DPYSL5: variants seen among roughly 807,000 people sequenced by gnomAD.
DPYSL5 encodes dihydropyrimidinase like 5, also known as dihydropyrimidinase-related protein 5.
A neutral mutation model predicts 58.4 loss-of-function variants in DPYSL5; 9 were observed. That is an observed-to-expected ratio of 0.15 (90% CI 0.09 to 0.27). The LOEUF (loss-of-function observed/expected upper bound fraction) is 0.27, where lower values mean the gene tolerates loss of function less well. DPYSL5 is among the 10% of genes least tolerant of loss of function. The probability of loss-of-function intolerance (pLI) is 1.00; values close to 1 mark genes in which losing one functional copy is unlikely to be tolerated. For missense variants in DPYSL5, 499 were observed against 770.6 expected (o/e 0.65, Z 4.17); for synonymous variants, 293 against 301.9 (o/e 0.97, Z 0.31).
At chr2:26,930,254 G>T (rs1664937167) in intron 5 of DPYSL5, among the ~76,000 whole-genome samples, 1 of 152,198 alleles carries the variant, frequency 6.6e-6, no homozygotes, top group South Asian at 2.1e-4. Flanking sequence ...ACACACACTA[G>T]ACTTTCTTTG....
At chr2:26,867,638 G>A (rs1572676389) in intron 1 of DPYSL5, among the ~76,000 whole-genome samples, 1 of 151,290 alleles carries the variant, frequency 6.6e-6, no homozygotes, top group African/African-American at 2.4e-5. Context: ...TGTATTTTTA[G>A]TAGAGACGGG....
intron 1 of DPYSL5, among the ~76,000 whole-genome samples, chr2:26,893,631 C>T (rs896103744): frequency 3.9e-5 from 6 of 152,102 alleles, no homozygotes; most frequent in East Asian, 1.9e-4. Context: ...GCTATTTATT[C>T]GTTTATTCAC....
upstream of DPYSL5, chr2:26,847,995 G>A (rs2148096124): frequency 6.6e-6 from 1 of 152,120 alleles, no homozygotes; most frequent in East Asian, 1.9e-4. Context: ...GCCTGTCCCC[G>A]CCTCCCCTTA....
chr2:26,937,742 T>TTTTGTTTGTTTGTTTG (rs59337750), intron 8 of DPYSL5, among the ~76,000 whole-genome samples: 29 of 149,098 alleles, frequency 1.9e-4, no homozygotes, highest in African/African-American at 5.7e-4. Flanking sequence ...CTGGCTAGTT[T>TTTTGTTTGTTTGTTTG]TTTGTTTGTT....
At chr2:26,866,732 C>CT (rs1298358466) in intron 1 of DPYSL5, among the ~76,000 whole-genome samples, 7,575 of 132,884 alleles carry the variant, frequency 0.057, 707 homozygotes, top group African/African-American at 0.2. Flanking sequence ...AATTCTTCTT[C>CT]TTTTTTTTTT....
chr2:26,855,098 G>A (rs972709918), intron 1 of DPYSL5, among the ~76,000 whole-genome samples: 3 of 151,812 alleles, frequency 2.0e-5, no homozygotes, highest in Non-Finnish European at 2.9e-5. Context: ...GATCACAGGC[G>A]TGAGCCACTG....
Position 26,927,299 on chromosome 2 carries a change from C to T in DPYSL5, c.467C>T (p.Ser156Leu). 1.2e-6 allele frequency: 2 copies of T among 1,614,124 alleles called. No individual in the cohort carries two copies. The highest frequency in any genetic ancestry group is 1.7e-6 in the Non-Finnish European group (2 of 1,180,018). Residue 156 changes from serine (S) to leucine (L), a missense_variant, in exon 4 of 13, where the codon TCG becomes TTG. Ser to Leu is a moderately radical substitution (Grantham distance 145, BLOSUM62 -2). This residue lies in a region of DPYSL5 where 404 missense variants were observed against 647.6 expected (regional missense o/e 0.62). Transcript: ENST00000288699. The surrounding 1 kb of genome is among the most constrained non-coding windows in gnomAD (Gnocchi z 4.3). ...ETLVREKGVN[S>L]FQMFMTYKDL... ...CTGGTGAGGGAGAAGGGTGTCAACTCGTTCCAGATGTTCATGACCTACAAG... is the reference window on the plus strand; with the variant it reads ...CTGGTGAGGGAGAAGGGTGTCAACTTGTTCCAGATGTTCATGACCTACAAG...
In DPYSL5 at chr2:26,928,761, G is replaced by A. The variant is rs1300810321; in HGVS notation, c.669+438G>A. ...CACACGCACACACATACGTGTGTGC[G>A]TGTGTGTGTGTGTGTATAGCATCAT... On this transcript the variant is annotated intron_variant, in intron 5 of 12. Transcript: ENST00000288699. Among the ~76,000 whole-genome samples the A allele has an allele frequency of 7.0e-5, 2 of 28,488 alleles. 1 individual carries two copies. Among genetic ancestry groups the A allele is most frequent in the African/African-American group, 2.1e-4 (2 of 9,322 alleles). The allele number at this position is 28,488 out of a possible 152,430, so 18.7% of individuals were successfully genotyped here.
intron 1 of DPYSL5, among the ~76,000 whole-genome samples, chr2:26,889,559 C>A (rs554245192): frequency 1.9e-4 from 29 of 152,172 alleles, no homozygotes; most frequent in African/African-American, 6.7e-4. Context: ...CGTGAGCCAC[C>A]GCGCCCGGCC....
Position 26,926,232 on chromosome 2 carries a change from C to G in DPYSL5, c.421-1021C>G, listed in dbSNP as rs533430671. On this transcript the variant is annotated intron_variant, in intron 3 of 12. Transcript: ENST00000288699. ...TTCTGACCTGGCACTTATAGAAGAC[C>G]TCCTCCCGGTTCTGGGCCAGAGGTG... Among the ~76,000 whole-genome samples, 7 of 152,298 alleles carry G rather than the reference C, an allele frequency of 4.6e-5. No homozygotes were observed. In the East Asian group the frequency reaches 1.3e-3, roughly 29 times the overall value.
Position 26,898,745 on chromosome 2 carries a change from C to T in DPYSL5, c.246C>T (p.Phe82=). ...TFMNATCVDD[F]YHGTKAALVG... is the part of the protein sequence containing the mutation. ...TGAATGCCACGTGCGTGGACGACTTCTACCATGGGACCAAGGTAATGCTCC... is the reference window on the plus strand; with the variant it reads ...TGAATGCCACGTGCGTGGACGACTTTTACCATGGGACCAAGGTAATGCTCC... Residue 82 remains phenylalanine, a synonymous_variant, in exon 2 of 13, where the codon TTC becomes TTT. Transcript: ENST00000288699. The surrounding 1 kb of genome is among the most constrained non-coding windows in gnomAD (Gnocchi z 6.1). 4.3e-6 allele frequency: 7 copies of T among 1,610,716 alleles called. No individual in the cohort carries two copies. Among genetic ancestry groups the T allele is most frequent in the Non-Finnish European group, 5.9e-6 (7 of 1,177,428 alleles).
At chr2:26,904,719 A>G (rs527903679) in intron 2 of DPYSL5, among the ~76,000 whole-genome samples, 1 of 152,162 alleles carries the variant, frequency 6.6e-6, no homozygotes, top group Non-Finnish European at 1.5e-5. Flanking sequence ...CCTGGGCAAC[A>G]TGGCAAAACC....
chr2:26,937,742 T>TTTTG (rs59337750), intron 8 of DPYSL5, among the ~76,000 whole-genome samples: 33,886 of 149,090 alleles, frequency 0.23, 4,039 homozygotes, highest in African/African-American at 0.3. Context: ...CTGGCTAGTT[T>TTTTG]TTTGTTTGTT....
At chr2:26,938,832 A>C (rs1197189944) in intron 8 of DPYSL5, 1 of 152,146 alleles carries the variant, frequency 6.6e-6, no homozygotes, top group East Asian at 1.9e-4. Context: ...TGGTCCCAGC[A>C]GTCATCCCCT....
At position 26,910,142 on chromosome 2, in the gene DPYSL5, C is replaced by T. The variant is rs138577929; in HGVS notation, c.261+11382C>T. ...ATTCCTTTTTTTGTCTGGTTTCTTT[C>T]GCTCAGTAGTATTAAGTTTTTGGCT... On this transcript the variant is annotated intron_variant, in intron 2 of 12. Coordinates refer to ENST00000288699, the MANE Select transcript of DPYSL5 (RefSeq NM_020134.4). 1.9e-4 allele frequency among the ~76,000 whole-genome samples: 29 copies of T among 152,262 alleles called. No homozygotes were observed. The East Asian group carries it at 5.0e-3, about 26-fold the overall frequency.
At position 26,849,640 on chromosome 2, in the gene DPYSL5, C is replaced by T. The variant is rs1169533890; in HGVS notation, c.-5+1386C>T. Among the ~76,000 whole-genome samples, 1 of 152,234 alleles carries T rather than the reference C, an allele frequency of 6.6e-6. No homozygotes were observed. The highest frequency in any genetic ancestry group is 1.5e-5 in the Non-Finnish European group (1 of 68,038). The stretch of plus-strand genomic sequence containing the variant: ...CCAGCAGCAGGTGCTGCCAGGGAGG[C>T]GGATCTCCCTTCGGGGAGACCCGGA... On this transcript the variant is annotated intron_variant, in intron 1 of 12. Transcript: ENST00000288699. The surrounding 1 kb of genome is among the most constrained non-coding windows in gnomAD (Gnocchi z 6.2).
chr2:26,920,029 A>G (rs1479189451), intron 2 of DPYSL5, among the ~76,000 whole-genome samples: 3 of 152,356 alleles, frequency 2.0e-5, no homozygotes, highest in Admixed American at 2.0e-4. Context: ...AATTTTTTTA[A>G]TTGTATAAAT....
intron 2 of DPYSL5, among the ~76,000 whole-genome samples, chr2:26,899,169 TGCTTCTTCTAGAGGATGAGACA>T (rs982132932): frequency 6.6e-6 from 1 of 152,204 alleles, no homozygotes; most frequent in Admixed American, 6.5e-5. Context: ...AAGACAAATT[TGCTTCTTCTAGAGGATGAGACA>T]GCTTCTATTA....
At chr2:26,943,152 G>T (rs1195347228) in intron 11 of DPYSL5, among the ~76,000 whole-genome samples, 1 of 152,096 alleles carries the variant, frequency 6.6e-6, no homozygotes, top group African/African-American at 2.4e-5. Flanking sequence ...GGTAGAGCTG[G>T]CATTTGCAAA....
Sources: allele counts gnomAD v4.1 joint callset (sites outside exome capture counted in the v4.1 genomes callset), GRCh38; gene constraint gnomAD v4.1.1; regional missense constraint gnomAD v4.1.1; non-coding constraint Gnocchi (gnomAD v3.1); transcripts MANE v1.5; gene names NCBI Gene and HGNC (gene_info 2026-07-23, HGNC 2026-07-21).